The following KIAA1958 variants were observed in gnomAD, a reference collection of about 807,000 sequenced individuals.
KIAA1958 encodes the protein uncharacterized protein KIAA1958.
KIAA1958 carries 14 observed loss-of-function variants against 47.2 expected under a neutral mutation model. The ratio of observed to expected loss-of-function variants is 0.30; its 90% CI spans 0.20 to 0.46. KIAA1958 has a LOEUF of 0.46. Ranked by LOEUF, KIAA1958 falls within the 20% of genes least tolerant of loss-of-function variation. The pLI is 1.00. For missense variants in KIAA1958, 803 were observed against 909.2 expected, an observed-to-expected ratio of 0.88 and a Z score of 1.50; for synonymous variants, 354 against 353.3, an observed-to-expected ratio of 1.00 and a Z score of -0.02.
intron 2 of KIAA1958, among the ~76,000 whole-genome samples, chr9:112,617,383 A>G (rs1270020311): frequency 6.6e-6 from 1 of 152,252 alleles, no homozygotes; most frequent in African/African-American, 2.4e-5. Flanking sequence ...TCATTTTTAA[A>G]TACAGATTTT....
chr9:112,658,782 A>T (rs943707701), intron 3 of KIAA1958, among the ~76,000 whole-genome samples: 1 of 151,966 alleles, frequency 6.6e-6, no homozygotes, highest in Non-Finnish European at 1.5e-5. Context: ...ACACTGTGAA[A>T]CCCCATCTCT....
intron 1 of KIAA1958, among the ~76,000 whole-genome samples, chr9:112,496,350 A>G (rs1834051586): frequency 6.6e-6 from 1 of 152,230 alleles, no homozygotes. Context: ...GCATGTATAG[A>G]AAGTCCTCAA....
In KIAA1958 at chr9:112,659,774, A is replaced by G; in HGVS notation, c.1856A>G (p.His619Arg). 1.2e-6 allele frequency: 2 copies of G among 1,614,154 alleles called. No homozygotes were observed. Among genetic ancestry groups the G allele is most frequent in the African/African-American group, 2.7e-5 (2 of 75,036 alleles). The part of the protein sequence containing the change: ...STRVCHGKIY[H>R]EHSRGHKQCP... ...AGAGTGTGTCACGGGAAGATCTACC[A>G]TGAGCATTCCCGGGGACACAAACAG... Residue 619 changes from histidine (H) to arginine (R), a missense_variant, in exon 4 of 4, where the codon CAT becomes CGT. Physicochemically the swap from His to Arg is conservative, Grantham distance 29. This residue lies in a region of KIAA1958 where 761 missense variants were observed against 829.3 expected (regional missense o/e 0.92). Coordinates refer to ENST00000337530, the MANE Select transcript of KIAA1958 (RefSeq NM_133465.4).
intron 2 of KIAA1958, among the ~76,000 whole-genome samples, chr9:112,603,395 G>A (rs1318530711): frequency 1.3e-5 from 2 of 152,130 alleles, no homozygotes; most frequent in African/African-American, 4.8e-5. Context: ...CAGCCTATGA[G>A]CACAAGCCAG....
At chr9:112,536,541 C>T (rs1296485472) in intron 1 of KIAA1958, among the ~76,000 whole-genome samples, 5 of 152,030 alleles carry the variant, frequency 3.3e-5, no homozygotes, top group Non-Finnish European at 7.4e-5. Context: ...ACCAATAGTA[C>T]AGAAAGTCCA....
At chr9:112,588,551 G>C (rs191299874) in intron 2 of KIAA1958, among the ~76,000 whole-genome samples, 7 of 152,332 alleles carry the variant, frequency 4.6e-5, no homozygotes, top group Admixed American at 3.9e-4. Context: ...GGAATTTAGA[G>C]ACAAATCTCA....
intron 1 of KIAA1958, among the ~76,000 whole-genome samples, chr9:112,524,882 T>C (rs1431160810): frequency 6.6e-6 from 1 of 152,234 alleles, no homozygotes; most frequent in Non-Finnish European, 1.5e-5. Context: ...GGCTTATCAC[T>C]ATGGTAAACT....
chr9:112,623,421 A>G (rs991564520), intron 2 of KIAA1958, among the ~76,000 whole-genome samples: 5 of 152,228 alleles, frequency 3.3e-5, no homozygotes, highest in African/African-American at 1.2e-4. Flanking sequence ...TCCAGATCCC[A>G]TTAAGCACTC....
intron 3 of KIAA1958, among the ~76,000 whole-genome samples, chr9:112,647,378 T>C (rs1836992997): frequency 6.6e-6 from 1 of 152,198 alleles, no homozygotes; most frequent in African/African-American, 2.4e-5. Flanking sequence ...GATAATACTC[T>C]TTTAAGGAAA....
At chr9:112,573,119 CT>C (rs1320098136) in intron 1 of KIAA1958, among the ~76,000 whole-genome samples, 1 of 152,190 alleles carries the variant, frequency 6.6e-6, no homozygotes, top group Non-Finnish European at 1.5e-5. Context: ...TCCCCTTTCA[CT>C]TTCCTACCCA....
intron 2 of KIAA1958, among the ~76,000 whole-genome samples, chr9:112,602,510 CTT>C (rs1836152191): frequency 6.6e-6 from 1 of 152,062 alleles, no homozygotes; most frequent in South Asian, 2.1e-4. Context: ...AGCATAATCT[CTT>C]TTTTAAAAGG....
At chr9:112,521,730 A>G (rs1834547645) in intron 1 of KIAA1958, among the ~76,000 whole-genome samples, 1 of 152,082 alleles carries the variant, frequency 6.6e-6, no homozygotes, top group Admixed American at 6.6e-5. Flanking sequence ...GTATTTGAAA[A>G]AATACATATT....
At chr9:112,608,138 A>C (rs1039353053) in intron 2 of KIAA1958, among the ~76,000 whole-genome samples, 1 of 152,226 alleles carries the variant, frequency 6.6e-6, no homozygotes, top group Non-Finnish European at 1.5e-5. Context: ...ATGGTTAAAA[A>C]CATTATTTTA....
intron 1 of KIAA1958, among the ~76,000 whole-genome samples, chr9:112,522,683 C>A (rs1471261088): frequency 6.6e-6 from 1 of 152,188 alleles, no homozygotes; most frequent in African/African-American, 2.4e-5. Context: ...CTTTCACTTA[C>A]CATATCTACT....
chr9:112,628,798 AT>A (rs1185041738), intron 2 of KIAA1958, among the ~76,000 whole-genome samples: 1 of 152,106 alleles, frequency 6.6e-6, no homozygotes, highest in East Asian at 1.9e-4. Context: ...TAGGTTTCTA[AT>A]TTATAGAGTT....
At chr9:112,595,865 A>G (rs1474294010) in intron 2 of KIAA1958, among the ~76,000 whole-genome samples, 1 of 150,822 alleles carries the variant, frequency 6.6e-6, no homozygotes, top group Non-Finnish European at 1.5e-5. Flanking sequence ...GGCTCACCGC[A>G]ACGTCCGCCT....
intron 2 of KIAA1958, among the ~76,000 whole-genome samples, chr9:112,632,738 T>A (rs912932322): frequency 1.3e-5 from 2 of 152,136 alleles, no homozygotes; most frequent in African/African-American, 4.8e-5. Flanking sequence ...TTATAAGTAT[T>A]TTCTCCAGTT....
rs1256102604 is a variant in KIAA1958 at position 112,518,899 on chromosome 9, T to G, written c.-25+31781T>G. Among the ~76,000 whole-genome samples the G allele has an allele frequency of 2.0e-5, 3 of 151,906 alleles. No homozygotes were observed. The East Asian group carries it at 5.8e-4, about 29-fold the overall frequency. On this transcript the variant is annotated intron_variant, in intron 1 of 3. Transcript: ENST00000337530. ...AAAAAAGCTAACATTATTGACTGGT[T>G]TTTGGAACCAAATTCATTCTTTGCT...
At chr9:112,586,487 T>C (rs901528865) in intron 2 of KIAA1958, among the ~76,000 whole-genome samples, 7 of 152,200 alleles carry the variant, frequency 4.6e-5, no homozygotes, top group African/African-American at 1.7e-4. Flanking sequence ...TGAGAAATTA[T>C]GTTTCAATAG....
Sources: gnomAD v4.1 joint callset for allele counts (sites outside exome capture counted in the v4.1 genomes callset) on GRCh38, gnomAD v4.1.1 for gene constraint, gnomAD v4.1.1 regional missense constraint, MANE v1.5 for transcripts, NCBI Gene and HGNC (gene_info 2026-07-23, HGNC 2026-07-21) for gene names.